MYO9A: variants seen among roughly 807,000 people sequenced by gnomAD.
MYO9A encodes myosin IXA.
MYO9A carries 103 observed loss-of-function variants against 293.3 expected under a neutral mutation model. The observed-to-expected ratio is 0.35, with a 90% CI of 0.30 to 0.41. MYO9A has a LOEUF of 0.41. Among genes scored for constraint, MYO9A ranks in the 10% least tolerant of loss-of-function variants. The pLI is 1.00. For synonymous variants in MYO9A, 1,001 were observed against 1,035.7 expected (o/e 0.97, Z 0.64); for missense variants, 2,685 against 3,033.0 (o/e 0.89, Z 2.69).
At chr15:72,019,178 T>A (rs2077427403) in intron 5 of MYO9A, 83 bp from the exon 6 acceptor site, 1 of 1,120,442 alleles carries the variant, frequency 8.9e-7, no homozygotes, top group African/African-American at 1.5e-5. Context: ...GTGCAAGTAG[T>A]ACTGCTGCTC....
chr15:71,916,901 T>C (rs1327308692), intron 18 of MYO9A, among the ~76,000 whole-genome samples: 6 of 152,186 alleles, frequency 3.9e-5, no homozygotes, highest in Admixed American at 6.5e-5. Flanking sequence ...AGAGGCAGAG[T>C]GCAGAACATT....
chr15:71,834,297 T>C (rs937683209), intron 39 of MYO9A, among the ~76,000 whole-genome samples: 2 of 152,112 alleles, frequency 1.3e-5, no homozygotes, highest in African/African-American at 4.8e-5. Context: ...ATGTGAATAA[T>C]ATTAAAGAAA....
Position 71,826,760 on chromosome 15 carries a change from G to A in MYO9A, c.7467C>T (p.Ser2489=). The part of the protein sequence containing the change: ...KFLEDKPQFI[S]RGTFNPEKGK... ...CCTTTTCCGGGTTGAAGGTTCCTCT[G>A]CTGATGAACTGAGGCTTGTCTTCCA... Residue 2489 remains serine (S), a synonymous_variant, in exon 42 of 42, where the codon AGC becomes AGT. Coordinates refer to ENST00000356056, the MANE Select transcript of MYO9A (RefSeq NM_006901.4). 6.2e-7 allele frequency: 1 copy of A among 1,614,092 alleles called. No individual in the cohort carries two copies. Among genetic ancestry groups the A allele is most frequent in the Non-Finnish European group, 8.5e-7 (1 of 1,179,984 alleles).
At chr15:71,952,082 G>GA (rs1368645309) in intron 14 of MYO9A, among the ~76,000 whole-genome samples, 186 bp from the exon 15 acceptor site, 1 of 152,000 alleles carries the variant, frequency 6.6e-6, no homozygotes, top group Non-Finnish European at 1.5e-5. Context: ...AAAATAACAG[G>GA]AAAAAATACA....
intron 1 of MYO9A, among the ~76,000 whole-genome samples, chr15:72,100,075 C>A (rs1280138157): frequency 3.3e-5 from 5 of 151,836 alleles, no homozygotes; most frequent in Non-Finnish European, 7.4e-5. Context: ...ATAGCAAGAC[C>A]CCATCTCTAA....
At chr15:71,841,171 C>T (rs1247292224) in intron 39 of MYO9A, among the ~76,000 whole-genome samples, 1 of 152,142 alleles carries the variant, frequency 6.6e-6, no homozygotes, top group East Asian at 1.9e-4. Context: ...TGTATATAAT[C>T]ATAATGGAAA....
chr15:72,059,033 C>T (rs1317084085), intron 1 of MYO9A, among the ~76,000 whole-genome samples: 2 of 152,138 alleles, frequency 1.3e-5, no homozygotes, highest in African/African-American at 4.8e-5. Context: ...AAATTAAAAT[C>T]TTTATCAAAT....
At chr15:71,854,285 TAAAGG>T in intron 35 of MYO9A, 87 bp downstream of exon 35, 1 of 1,052,164 alleles carries the variant, frequency 9.5e-7, no homozygotes, top group Non-Finnish European at 1.3e-6. Flanking sequence ...GGCTGCTAAG[TAAAGG>T]ATTGACATGT....
At chr15:71,838,147 G>C (rs570002056) in intron 39 of MYO9A, among the ~76,000 whole-genome samples, 1 of 152,066 alleles carries the variant, frequency 6.6e-6, no homozygotes, top group Non-Finnish European at 1.5e-5. Flanking sequence ...CTGAGAAGTG[G>C]TTTATAGTAT....
chr15:71,875,944 G>C, intron 31 of MYO9A, 106 bp from the exon 32 acceptor site: 1 of 557,802 alleles, frequency 1.8e-6, no homozygotes, highest in Non-Finnish European at 2.8e-6. Flanking sequence ...TAACACAATA[G>C]TCATTTCTTT....
In MYO9A at chr15:71,898,531, A is replaced by T; in HGVS notation, c.3972T>A (p.Ser1324Arg). The T allele has an allele frequency of 6.2e-7, 1 of 1,613,894 alleles. No individual in the cohort carries two copies. The change falls in exon 25 of 42, where the codon AGT becomes AGA. Residue 1324 changes from serine (S) to arginine (R), a missense_variant. Coordinates refer to ENST00000356056, the MANE Select transcript of MYO9A (RefSeq NM_006901.4). Reference sequence around the variant, plus strand: ...GTTCCAAGCTTCCTTGAGAGCTCTCACTATCAGGTGTACCCCGTGGAGACT... The same window carrying T: ...GTTCCAAGCTTCCTTGAGAGCTCTCTCTATCAGGTGTACCCCGTGGAGACT... ...GLQSPRGTPD[S>R]ESSQGSLELL...
intron 1 of MYO9A, among the ~76,000 whole-genome samples, chr15:72,106,938 A>G (rs2080590903): frequency 6.6e-6 from 1 of 152,228 alleles, no homozygotes; most frequent in Admixed American, 6.5e-5. Flanking sequence ...GGACAAAAAG[A>G]AATGCAAAGA....
chr15:71,959,855 A>AG, intron 14 of MYO9A, 46 bp downstream of exon 14: 1 of 1,498,144 alleles, frequency 6.7e-7, no homozygotes, highest in Non-Finnish European at 8.9e-7. Context: ...AGGTAAAAAA[A>AG]AAAAAAAAGA....
At chr15:71,937,539 T>C (rs1277841318) in intron 16 of MYO9A, among the ~76,000 whole-genome samples, 1 of 152,150 alleles carries the variant, frequency 6.6e-6, no homozygotes, top group Non-Finnish European at 1.5e-5. Context: ...TTTTTAAACA[T>C]AATACTATTG....
chr15:72,032,586 G>T lies in MYO9A; in HGVS notation c.843C>A (p.Ala281=), dbSNP rs1474155686. The change falls in exon 3 of 42, where the codon GCC becomes GCA. Residue 281 remains alanine, a splice_region_variant and synonymous_variant. Transcript: ENST00000356056. The stretch of plus-strand genomic sequence containing the variant: ...TATGAGCTGTCTTTGCATTTCCAAA[G>T]GCCTGTCAAAATAAATAATTCTCAT... ...IILGAGPVLE[A]FGNAKTAHNN... The T allele has an allele frequency of 3.3e-5, 52 of 1,577,662 alleles. No individual in the cohort carries two copies. In the Admixed American group the frequency reaches 9.7e-4, roughly 29 times the overall value.
At chr15:72,050,610 A>G (rs542496918) in intron 1 of MYO9A, among the ~76,000 whole-genome samples, 173 of 149,282 alleles carry the variant, frequency 1.2e-3, no homozygotes, top group Non-Finnish European at 2.2e-3. Flanking sequence ...CCGTCTCTAA[A>G]TAAATAAATA....
At chr15:72,062,470 G>A (rs1231590082) in intron 1 of MYO9A, among the ~76,000 whole-genome samples, 1 of 152,172 alleles carries the variant, frequency 6.6e-6, no homozygotes, top group Non-Finnish European at 1.5e-5. Context: ...AAGGAATTCA[G>A]AATCCTATCA....
At chr15:71,873,540 T>C (rs1458754995) in intron 32 of MYO9A, among the ~76,000 whole-genome samples, 1 of 152,180 alleles carries the variant, frequency 6.6e-6, no homozygotes, top group Non-Finnish European at 1.5e-5. Flanking sequence ...TCCAAGAAGA[T>C]TATGCAAATT....
At chr15:71,969,941 A>G (rs1422249837) in intron 12 of MYO9A, among the ~76,000 whole-genome samples, 1 of 152,168 alleles carries the variant, frequency 6.6e-6, no homozygotes, top group East Asian at 1.9e-4. Flanking sequence ...AAAACTACCA[A>G]TGCCTGGATC....
Sources: allele counts gnomAD v4.1 joint callset (sites outside exome capture counted in the v4.1 genomes callset), GRCh38; gene constraint gnomAD v4.1.1; transcripts MANE v1.5; gene names NCBI Gene and HGNC (gene_info 2026-07-23, HGNC 2026-07-21).